Variants in SH3RF1 observed in about 807,000 individuals in gnomAD.
SH3RF1 encodes the protein SH3 domain containing ring finger 1, also known as E3 ubiquitin-protein ligase SH3RF1.
Under a neutral mutation model 74.0 loss-of-function variants are expected in SH3RF1, and 32 were observed. That is an observed-to-expected ratio of 0.43 (90% CI 0.33 to 0.58). SH3RF1 has a LOEUF of 0.58. Ranked by LOEUF, SH3RF1 falls within the 20% of genes least tolerant of loss-of-function variation. The pLI is 0.05. For synonymous variants in SH3RF1, 396 were observed against 439.6 expected, an observed-to-expected ratio of 0.90 and a Z score of 1.24; for missense variants, 954 against 1,130.9, an observed-to-expected ratio of 0.84 and a Z score of 2.24.
intron 4 of SH3RF1, among the ~76,000 whole-genome samples, chr4:169,148,141 A>G: frequency 6.6e-6 from 1 of 152,192 alleles, no homozygotes; most frequent in South Asian, 2.1e-4. Flanking sequence ...AAAATGCCCT[A>G]TACACTTTTT....
chr4:169,268,346 T>G (rs1187758881), intron 2 of SH3RF1, among the ~76,000 whole-genome samples: 2 of 152,200 alleles, frequency 1.3e-5, no homozygotes, highest in Non-Finnish European at 2.9e-5. Flanking sequence ...GTGCTGTGTA[T>G]TCATAAAACC....
At chr4:169,187,457 G>A (rs577065556) in intron 2 of SH3RF1, among the ~76,000 whole-genome samples, 2 of 151,614 alleles carry the variant, frequency 1.3e-5, no homozygotes, top group South Asian at 2.1e-4. Context: ...CAAAGTGCTG[G>A]GATTACAGGC....
Position 169,106,864 on chromosome 4 carries a change from T to C in SH3RF1, c.2481A>G (p.Arg827=). Residue 827 remains arginine, a synonymous_variant, in exon 11 of 12, where the codon AGA becomes AGG. Coordinates refer to ENST00000284637, the MANE Select transcript of SH3RF1 (RefSeq NM_020870.4). ...GAACTTACCTTTCACAAACGACAGG[T>C]CTAGACTCATTCAAGACAGGACCCA... ...SSLGPVLNES[R]PVVCERHRVV... The C allele has an allele frequency of 6.2e-7, 1 of 1,608,494 alleles. No homozygotes were observed. Among genetic ancestry groups the C allele is most frequent in the Non-Finnish European group, 8.5e-7 (1 of 1,177,466 alleles).
chr4:169,133,459 C>T (rs1733649530), intron 5 of SH3RF1, among the ~76,000 whole-genome samples: 2 of 147,830 alleles, frequency 1.4e-5, no homozygotes, highest in African/African-American at 2.5e-5. Context: ...TGGGAGACAA[C>T]AGCAAAACTC....
chr4:169,175,964 T>A (rs1374847287), intron 2 of SH3RF1, among the ~76,000 whole-genome samples: 6 of 152,152 alleles, frequency 3.9e-5, no homozygotes, highest in African/African-American at 1.4e-4. Context: ...GGTCCCATGA[T>A]GGGATTGCTG....
intron 2 of SH3RF1, among the ~76,000 whole-genome samples, chr4:169,257,484 G>A (rs571526874): frequency 6.6e-6 from 1 of 152,136 alleles, no homozygotes; most frequent in African/African-American, 2.4e-5. Flanking sequence ...AAACGACATG[G>A]TCGCTCTGTC....
Position 169,096,543 on chromosome 4 carries a change from T to A in SH3RF1, c.2643A>T (p.Pro881=). 1 of 1,613,916 alleles carries A rather than the reference T, an allele frequency of 6.2e-7. No homozygotes were observed. Among genetic ancestry groups the A allele is most frequent in the South Asian group, 1.1e-5 (1 of 90,956 alleles). Residue 881 remains proline (P), a synonymous_variant, in exon 12 of 12, where the codon CCA becomes CCT. Transcript: ENST00000284637. ...LQRNGKTGLF[P]GSFVENI is the part of the protein sequence containing the mutation. The stretch of plus-strand genomic sequence containing the variant: ...CTCATATGTTTTCCACAAAGCTTCC[T>A]GGGAAAAGGCCAGTTTTCCCATTAC...
chr4:169,145,824 C>A (rs1335232748), intron 4 of SH3RF1, among the ~76,000 whole-genome samples: 2 of 125,942 alleles, frequency 1.6e-5, no homozygotes, highest in African/African-American at 3.2e-5. Context: ...ATATATTATT[C>A]TATATAAAAT....
intron 2 of SH3RF1, among the ~76,000 whole-genome samples, chr4:169,222,161 C>T (rs1730576428): frequency 6.6e-6 from 1 of 152,198 alleles, no homozygotes; most frequent in African/African-American, 2.4e-5. Flanking sequence ...TTATAATATG[C>T]TCTTAAATTA....
chr4:169,106,436 T>C (rs1462791789), intron 11 of SH3RF1, among the ~76,000 whole-genome samples: 1 of 151,666 alleles, frequency 6.6e-6, no homozygotes, highest in African/African-American at 2.4e-5. Context: ...CCTGCTCTAG[T>C]TGCTTCACAA....
chr4:169,200,633 T>C (rs1250319508), intron 2 of SH3RF1, among the ~76,000 whole-genome samples: 1 of 152,226 alleles, frequency 6.6e-6, no homozygotes, highest in Non-Finnish European at 1.5e-5. Flanking sequence ...ATGTATCATA[T>C]GTATTACTAT....
chr4:169,222,179 A>T (rs1579146831), intron 2 of SH3RF1, among the ~76,000 whole-genome samples: 4 of 152,336 alleles, frequency 2.6e-5, no homozygotes, highest in East Asian at 1.9e-4. Flanking sequence ...TTATAAATCA[A>T]TAGGCTGGTC....
At chr4:169,199,616 CA>C (rs529602247) in intron 2 of SH3RF1, among the ~76,000 whole-genome samples, 33 of 140,986 alleles carry the variant, frequency 2.3e-4, no homozygotes, top group South Asian at 2.2e-4. Context: ...AGTGAATGCG[CA>C]AAAAAAAAAA....
intron 8 of SH3RF1, among the ~76,000 whole-genome samples, chr4:169,120,376 T>G (rs1733418117): frequency 6.6e-6 from 1 of 152,260 alleles, no homozygotes; most frequent in Non-Finnish European, 1.5e-5. Context: ...CTGTATGATA[T>G]CTCTGTGCCT....
chr4:169,127,403 A>C (rs1261734055), intron 6 of SH3RF1, among the ~76,000 whole-genome samples: 1 of 152,226 alleles, frequency 6.6e-6, no homozygotes, highest in East Asian at 1.9e-4. Context: ...TAGTACTCAC[A>C]GTCTTCGGAA....
intron 2 of SH3RF1, among the ~76,000 whole-genome samples, chr4:169,210,486 A>G (rs1408136514): frequency 6.6e-6 from 1 of 152,252 alleles, no homozygotes; most frequent in Non-Finnish European, 1.5e-5. Context: ...ATCACTTCCA[A>G]AAGTGGTGTA....
At chr4:169,181,604 C>A (rs1459782891) in intron 2 of SH3RF1, among the ~76,000 whole-genome samples, 1 of 152,128 alleles carries the variant, frequency 6.6e-6, no homozygotes, top group Non-Finnish European at 1.5e-5. Flanking sequence ...TTAATAAAAT[C>A]TTTCAGGTCC....
At chr4:169,155,838 T>G (rs1242184505) in intron 3 of SH3RF1, among the ~76,000 whole-genome samples, 2 of 151,944 alleles carry the variant, frequency 1.3e-5, no homozygotes. Context: ...ATCTACAAAT[T>G]GCAACCTCAA....
At chr4:169,103,086 A>ATTTTTTTTT (rs60740517) in intron 11 of SH3RF1, among the ~76,000 whole-genome samples, 389 of 87,028 alleles carry the variant, frequency 4.5e-3, no homozygotes, top group African/African-American at 0.012. Context: ...GCGCCTGGCT[A>ATTTTTTTTT]TTTTTTTTTT....
Sources: gnomAD v4.1 joint callset for allele counts (sites outside exome capture counted in the v4.1 genomes callset) on GRCh38, gnomAD v4.1.1 for gene constraint, MANE v1.5 for transcripts, NCBI Gene and HGNC (gene_info 2026-07-23, HGNC 2026-07-21) for gene names.